CALCOCO2: variants seen among roughly 807,000 people sequenced by gnomAD.
The protein encoded by CALCOCO2 is calcium-binding and coiled-coil domain-containing protein 2.
CALCOCO2 carries 42 observed loss-of-function variants against 62.5 expected under a neutral mutation model. That is an observed-to-expected ratio of 0.67 (90% CI 0.53 to 0.87). The LOEUF is 0.87. Ranked by LOEUF, CALCOCO2 falls within the 40% of genes least tolerant of loss-of-function variation. The pLI is 0.00. For missense variants in CALCOCO2, 456 were observed against 515.0 expected (o/e 0.89, Z 1.11); for synonymous variants, 167 against 173.0 (o/e 0.97, Z 0.27).
chr17:48,846,624 A>C (rs898663591), intron 2 of CALCOCO2: 11 of 631,000 alleles, frequency 1.7e-5, no homozygotes, highest in Non-Finnish European at 2.8e-5. Flanking sequence ...TGAGGACTCC[A>C]TAAAATTCCT....
intron 10 of CALCOCO2, chr17:48,856,417 G>A (rs888477803): frequency 3.9e-6 from 2 of 511,232 alleles, no homozygotes; most frequent in Non-Finnish European, 7.2e-6. Flanking sequence ...CACCTTGAAA[G>A]AAGCCACACT....
Position 48,849,372 on chromosome 17 carries a change from A to G in CALCOCO2, c.538A>G (p.Lys180Glu), listed in dbSNP as rs762426481. 3.1e-6 allele frequency: 5 copies of G among 1,613,110 alleles called. No homozygotes were observed. In the East Asian group the frequency reaches 1.1e-4, roughly 36 times the overall value. Residue 180 changes from lysine (K) to glutamate (E), a missense_variant, in exon 5 of 13, where the codon AAG becomes GAG. By Grantham distance (56) the Lys-to-Glu change is moderately conservative (BLOSUM62 1). This residue lies in a region of CALCOCO2 where 236 missense variants were observed against 225.3 expected (regional missense o/e 1.05). Coordinates refer to ENST00000258947, the MANE Select transcript of CALCOCO2 (RefSeq NM_005831.5). ...NSDMQAELQK[K>E]QEELETLQSI... is the part of the protein sequence containing the mutation. The stretch of plus-strand genomic sequence containing the variant: ...AGACATGCAGGCTGAGCTCCAAAAG[A>G]AGCAGGTATGGCTGCTGGTTATAGG...
Position 48,849,381 on chromosome 17 carries a change from T to C in CALCOCO2, c.543+4T>C. 6.2e-7 allele frequency: 1 copy of C among 1,612,692 alleles called. No individual in the cohort carries two copies. The highest frequency in any genetic ancestry group is 8.5e-7 in the Non-Finnish European group (1 of 1,179,578). On this transcript the variant is annotated splice_donor_region_variant and intron_variant, in intron 5 of 12. Transcript: ENST00000258947. ...GGCTGAGCTCCAAAAGAAGCAGGTA[T>C]GGCTGCTGGTTATAGGTGACCTTGG...
At chr17:48,849,104 T>G in intron 4 of CALCOCO2, 148 bp from the exon 5 acceptor site, 1 of 690,626 alleles carries the variant, frequency 1.4e-6, no homozygotes, top group South Asian at 1.8e-5. Context: ...TGTTATACCC[T>G]TACCTAGGTA....
chr17:48,841,911 G>C (rs756798651), intron 2 of CALCOCO2, 24 bp downstream of exon 2: 1 of 1,559,690 alleles, frequency 6.4e-7, no homozygotes, highest in Non-Finnish European at 8.8e-7. Flanking sequence ...TCAGTACCAA[G>C]TGATCAGGAA....
At chr17:48,851,471 G>A in intron 6 of CALCOCO2, 88 bp from the exon 7 acceptor site, 1 of 816,532 alleles carries the variant, frequency 1.2e-6, no homozygotes, top group East Asian at 2.5e-5. Context: ...TGCAGGCTTA[G>A]GGCCAAGCCA....
At chr17:48,855,930 C>G (rs934144828) in intron 9 of CALCOCO2, 162 bp from the exon 10 acceptor site, 2 of 350,876 alleles carry the variant, frequency 5.7e-6, no homozygotes, top group African/African-American at 4.2e-5. Flanking sequence ...TTTTAAGTCA[C>G]TTTAATTTAG....
intron 1 of CALCOCO2, chr17:48,839,571 A>C (rs1450843844): frequency 6.9e-6 from 1 of 145,170 alleles, no homozygotes; most frequent in Non-Finnish European, 1.5e-5. Context: ...TTGGTCTCGA[A>C]CTCCTGACCT....
At chr17:48,859,464 C>T (rs919469036) in intron 10 of CALCOCO2, among the ~76,000 whole-genome samples, 3 of 151,728 alleles carry the variant, frequency 2.0e-5, no homozygotes, top group South Asian at 2.1e-4. Context: ...CAGCCAGGCA[C>T]GGTGTCGTGT....
At chr17:48,833,679 G>A (rs2039849361) in intron 1 of CALCOCO2, among the ~76,000 whole-genome samples, 2 of 152,040 alleles carry the variant, frequency 1.3e-5, no homozygotes, top group South Asian at 4.1e-4. Context: ...CTTGCCTGTA[G>A]AAGCATTTGA....
chr17:48,836,896 A>G (rs1351040670), intron 1 of CALCOCO2, among the ~76,000 whole-genome samples: 2 of 151,940 alleles, frequency 1.3e-5, no homozygotes, highest in African/African-American at 2.4e-5. Flanking sequence ...AGTAGCTGGA[A>G]TTACAGATGC....
Position 48,848,101 on chromosome 17 carries a change from T to C in CALCOCO2, c.218T>C (p.Met73Thr), listed in dbSNP as rs1405824281. The change falls in exon 3 of 13, where the codon ATG (methionine) becomes ACG (threonine). Residue 73 changes from methionine (M) to threonine (T), a missense_variant. Met to Thr is a moderately conservative substitution (Grantham distance 81). Transcript: ENST00000258947. The part of the protein sequence containing the change: ...WKTTREYYTF[M>T]WVTLPIDLNN... ...ACAACCCGTGAGTATTACACCTTCA[T>C]GTGGGTTACTTTGCCCATTGACCTA... 2.5e-6 allele frequency: 4 copies of C among 1,613,292 alleles called. No homozygotes were observed. Among genetic ancestry groups the C allele is most frequent in the Non-Finnish European group, 3.4e-6 (4 of 1,179,326 alleles).
intron 4 of CALCOCO2, 47 bp downstream of exon 4, chr17:48,848,502 CAAT>C (rs750947331): frequency 1.9e-6 from 3 of 1,557,274 alleles, no homozygotes; most frequent in African/African-American, 2.7e-5. Flanking sequence ...TTACGGGTAG[CAAT>C]ATAGGATAGG....
In CALCOCO2 at chr17:48,862,264, T is replaced by C; in HGVS notation, c.1145-12T>C. On this transcript the variant is annotated splice_polypyrimidine_tract_variant and intron_variant, in intron 11 of 12. Transcript: ENST00000258947. ...TTTTCTCATTGAATGAGATCTTTTTTATTCTTTTCAGGTATCCAAGAAAGT... is the reference window on the plus strand; with the variant it reads ...TTTTCTCATTGAATGAGATCTTTTTCATTCTTTTCAGGTATCCAAGAAAGT... The C allele has an allele frequency of 1.9e-6, 3 of 1,555,626 alleles. No homozygotes were observed. Among genetic ancestry groups the C allele is most frequent in the Non-Finnish European group, 2.7e-6 (3 of 1,126,750 alleles).
chr17:48,841,459 T>C, intron 1 of CALCOCO2: 1 of 375,498 alleles, frequency 2.7e-6, no homozygotes, highest in South Asian at 4.9e-5. Context: ...CATGTGAGGG[T>C]TGTGGTGCCT....
intron 10 of CALCOCO2, 152 bp downstream of exon 10, chr17:48,856,339 A>G (rs1457826216): frequency 3.6e-6 from 2 of 557,802 alleles, no homozygotes; most frequent in Non-Finnish European, 3.2e-6. Flanking sequence ...AATTTAATCT[A>G]ATTTCCTAAT....
chr17:48,834,413 G>A (rs935406900), intron 1 of CALCOCO2, among the ~76,000 whole-genome samples: 4 of 152,192 alleles, frequency 2.6e-5, no homozygotes, highest in Admixed American at 1.3e-4. Context: ...GCCTCTGACA[G>A]TTTGTGGAAT....
chr17:48,839,670 C>CTTTTTTTTTTTTTT (rs766846336), intron 1 of CALCOCO2, among the ~76,000 whole-genome samples: 1 of 66,172 alleles, frequency 1.5e-5, no homozygotes, highest in Non-Finnish European at 2.7e-5. Flanking sequence ...CTTTGCTTTG[C>CTTTTTTTTTTTTTT]TTTTTTTTTT....
chr17:48,839,169 G>A (rs1483287587), intron 1 of CALCOCO2, among the ~76,000 whole-genome samples: 18 of 151,390 alleles, frequency 1.2e-4, no homozygotes, highest in East Asian at 1.2e-3. Context: ...CACCACGCCC[G>A]GCTAATTTTT....
Sources: allele counts gnomAD v4.1 joint callset (sites outside exome capture counted in the v4.1 genomes callset), GRCh38; gene constraint gnomAD v4.1.1; regional missense constraint gnomAD v4.1.1; transcripts MANE v1.5; gene names NCBI Gene and HGNC (gene_info 2026-07-23, HGNC 2026-07-21).